Variants in PRKG1 observed in about 807,000 individuals in gnomAD.
The protein encoded by PRKG1 is protein kinase cGMP-dependent 1.
Under a neutral mutation model 88.1 loss-of-function variants are expected in PRKG1, and 35 were observed. That is an observed-to-expected ratio of 0.40 (90% CI 0.30 to 0.53). PRKG1 has a LOEUF of 0.53. PRKG1 is among the 20% of genes least tolerant of loss of function. PRKG1 has a pLI of 0.59. For missense variants in PRKG1, 540 were observed against 839.8 expected (o/e 0.64, Z 4.41); for synonymous variants, 303 against 292.5 (o/e 1.04, Z -0.37).
chr10:51,140,254 A>G (rs1050292850), intron 1 of PRKG1, among the ~76,000 whole-genome samples: 3 of 152,174 alleles, frequency 2.0e-5, no homozygotes, highest in Admixed American at 6.5e-5. Context: ...TCTTAACGAT[A>G]TATTTGTTTG....
rs149584961 is a variant in PRKG1, at chr10:51,230,141, C to T, written c.478+76811C>T. Among the ~76,000 whole-genome samples the T allele has an allele frequency of 2.0e-5, 3 of 151,976 alleles. No individual in the cohort carries two copies. The East Asian group carries it at 5.8e-4, about 29-fold the overall frequency. Reference sequence around the variant, plus strand: ...AAAACTAACTAAGTAAATGAAAGAACATTTATTCAGTGGCCACTAAAGAGA... The same window carrying T: ...AAAACTAACTAAGTAAATGAAAGAATATTTATTCAGTGGCCACTAAAGAGA... On this transcript the variant is annotated intron_variant, in intron 2 of 17. Coordinates refer to ENST00000373980, the MANE Select transcript of PRKG1 (RefSeq NM_006258.4).
chr10:52,278,723 C>T (rs111364230), intron 12 of PRKG1, among the ~76,000 whole-genome samples: 21 of 151,796 alleles, frequency 1.4e-4, no homozygotes, highest in Admixed American at 3.9e-4. Context: ...GTCAGGAGGT[C>T]GAACCCCCAT....
At chr10:51,034,184 TCA>T (rs1350446299) in intron 1 of PRKG1, among the ~76,000 whole-genome samples, 6 of 152,204 alleles carry the variant, frequency 3.9e-5, no homozygotes, top group Non-Finnish European at 8.8e-5. Flanking sequence ...AGATTAAGAC[TCA>T]CAATGTATTT....
At chr10:51,722,556 TC>T (rs1842039197) in intron 3 of PRKG1, among the ~76,000 whole-genome samples, 1 of 152,124 alleles carries the variant, frequency 6.6e-6, no homozygotes, top group African/African-American at 2.4e-5. Flanking sequence ...AACCTTATGA[TC>T]TAAACAGAGC....
intron 7 of PRKG1, among the ~76,000 whole-genome samples, chr10:52,112,264 G>T (rs1388784081): frequency 6.6e-6 from 1 of 152,068 alleles, no homozygotes; most frequent in Non-Finnish European, 1.5e-5. Flanking sequence ...TTAGCTTGTG[G>T]AATTTATAAC....
At chr10:51,832,683 A>G (rs1440365045) in intron 4 of PRKG1, among the ~76,000 whole-genome samples, 2 of 152,174 alleles carry the variant, frequency 1.3e-5, no homozygotes, top group Non-Finnish European at 2.9e-5. Flanking sequence ...GTGCTTGAGA[A>G]CATCACAAAA....
intron 4 of PRKG1, among the ~76,000 whole-genome samples, chr10:51,847,245 T>C (rs1840422583): frequency 1.3e-5 from 2 of 152,194 alleles, no homozygotes; most frequent in Non-Finnish European, 2.9e-5. Flanking sequence ...ACAATTTACC[T>C]GCCATTATGA....
intron 2 of PRKG1, among the ~76,000 whole-genome samples, chr10:51,284,070 A>C (rs1005511934): frequency 6.6e-6 from 1 of 152,226 alleles, no homozygotes; most frequent in Non-Finnish European, 1.5e-5. Context: ...CTGGACTATA[A>C]TATGAAGAAT....
chr10:51,059,113 T>C (rs1205453207), intron 1 of PRKG1, among the ~76,000 whole-genome samples: 2 of 152,216 alleles, frequency 1.3e-5, no homozygotes, highest in Admixed American at 1.3e-4. Flanking sequence ...TTTACTTATT[T>C]TAATAGTTTA....
intron 3 of PRKG1, chr10:51,698,571 G>A (rs760010167): frequency 6.2e-7 from 1 of 1,613,796 alleles, no homozygotes; most frequent in African/African-American, 1.3e-5. Flanking sequence ...AACAGTCCTC[G>A]AGGAGGCAGA....
intron 9 of PRKG1, among the ~76,000 whole-genome samples, chr10:52,173,895 A>G (rs1030447996): frequency 2.6e-5 from 4 of 152,134 alleles, no homozygotes; most frequent in African/African-American, 9.6e-5. Context: ...CTTTCAATTT[A>G]AGGACCTGGA....
chr10:51,427,990 G>T (rs1838640354), intron 2 of PRKG1, among the ~76,000 whole-genome samples: 2 of 152,122 alleles, frequency 1.3e-5, no homozygotes, highest in African/African-American at 4.8e-5. Flanking sequence ...TATGAGTAAA[G>T]TCCCATTAGC....
intron 1 of PRKG1, among the ~76,000 whole-genome samples, chr10:51,013,849 G>A (rs991976305): frequency 2.0e-5 from 3 of 152,134 alleles, no homozygotes; most frequent in Non-Finnish European, 4.4e-5. Context: ...CATGATTTGA[G>A]TCCTTTGGCA....
At chr10:51,470,636 T>A (rs1445025257) in intron 3 of PRKG1, among the ~76,000 whole-genome samples, 1 of 151,932 alleles carries the variant, frequency 6.6e-6, no homozygotes, top group Non-Finnish European at 1.5e-5. Context: ...AGGAGAGCAG[T>A]TTTTACAATT....
chr10:51,039,499 G>GA (rs1291822352), intron 1 of PRKG1, among the ~76,000 whole-genome samples: 1 of 152,070 alleles, frequency 6.6e-6, no homozygotes, highest in Non-Finnish European at 1.5e-5. Flanking sequence ...TTGTCAGATG[G>GA]ATAGTTTAAA....
chr10:52,235,799 C>A (rs1403451288), intron 9 of PRKG1, among the ~76,000 whole-genome samples: 12 of 116,950 alleles, frequency 1.0e-4, no homozygotes, highest in Admixed American at 7.5e-4. Flanking sequence ...TTGAACTCAG[C>A]TCTGCACCAA....
chr10:51,856,190 C>G (rs1840674765), intron 4 of PRKG1, among the ~76,000 whole-genome samples: 1 of 152,292 alleles, frequency 6.6e-6, no homozygotes, highest in East Asian at 1.9e-4. Context: ...CCCATATAAT[C>G]CAGGATAATC....
At chr10:52,000,242 G>A (rs1266893265) in intron 5 of PRKG1, among the ~76,000 whole-genome samples, 2 of 151,964 alleles carry the variant, frequency 1.3e-5, no homozygotes, top group African/African-American at 4.8e-5. Flanking sequence ...GAGAGGATAA[G>A]TGCTATGAAA....
At chr10:52,083,374 C>G (rs1388733424) in intron 7 of PRKG1, among the ~76,000 whole-genome samples, 1 of 151,866 alleles carries the variant, frequency 6.6e-6, no homozygotes, top group Non-Finnish European at 1.5e-5. Context: ...CTTTTCAGCC[C>G]TAATTGCCCT....
Sources: gnomAD v4.1 joint callset for allele counts (sites outside exome capture counted in the v4.1 genomes callset) on GRCh38, gnomAD v4.1.1 for gene constraint, MANE v1.5 for transcripts, NCBI Gene and HGNC (gene_info 2026-07-23, HGNC 2026-07-21) for gene names.